The following DOK5 variants were observed in gnomAD, a reference collection of about 807,000 sequenced individuals.
The protein encoded by DOK5 is downstream of tyrosine kinase 5.
DOK5 carries 27 observed loss-of-function variants against 43.3 expected under a neutral mutation model. The observed-to-expected ratio is 0.62, with a 90% CI of 0.46 to 0.86. The LOEUF (loss-of-function observed/expected upper bound fraction) is 0.86, where lower values mean the gene tolerates loss of function less well. Ranked by LOEUF, DOK5 falls within the 40% of genes least tolerant of loss-of-function variation. DOK5 has a pLI of 0.00. For missense variants in DOK5, 373 were observed against 392.9 expected (o/e 0.95, Z 0.43); for synonymous variants, 146 against 140.1 (o/e 1.04, Z -0.30).
chr20:54,582,010 G>A (rs1985660005), intron 2 of DOK5, among the ~76,000 whole-genome samples: 1 of 151,768 alleles, frequency 6.6e-6, no homozygotes, highest in Non-Finnish European at 1.5e-5. Context: ...TTTCACCATT[G>A]AGTATATGGT....
At chr20:54,600,636 T>C (rs985005768) in intron 5 of DOK5, among the ~76,000 whole-genome samples, 1 of 152,144 alleles carries the variant, frequency 6.6e-6, no homozygotes. Flanking sequence ...ACATGGAGCA[T>C]TGCCTACCTA....
At chr20:54,562,553 G>C (rs1409150119) in intron 2 of DOK5, among the ~76,000 whole-genome samples, 1 of 152,058 alleles carries the variant, frequency 6.6e-6, no homozygotes, top group Non-Finnish European at 1.5e-5. Flanking sequence ...TGAGTTGCTG[G>C]AACTACAGGC....
chr20:54,564,063 T>C (rs1985007914), intron 2 of DOK5, among the ~76,000 whole-genome samples: 15 of 152,188 alleles, frequency 9.9e-5, no homozygotes, highest in Admixed American at 9.8e-4. Flanking sequence ...CTATTTTCTT[T>C]CAGTTATTTA....
intron 6 of DOK5, among the ~76,000 whole-genome samples, chr20:54,627,433 A>C (rs1018418450): frequency 1.5e-4 from 23 of 152,190 alleles, no homozygotes; most frequent in African/African-American, 4.8e-4. Flanking sequence ...TAGTAGATCC[A>C]TTTCATAATG....
chr20:54,566,016 C>CAAA (rs11450454), intron 2 of DOK5, among the ~76,000 whole-genome samples: 11,781 of 100,138 alleles, frequency 0.12, 700 homozygotes, highest in African/African-American at 0.18. Context: ...GATTCCGTCT[C>CAAA]AAAAAAAAAA....
intron 1 of DOK5, among the ~76,000 whole-genome samples, chr20:54,534,899 C>T (rs1487940032): frequency 2.7e-5 from 4 of 150,632 alleles, no homozygotes; most frequent in East Asian, 1.9e-4. Flanking sequence ...TGCAGTGGCA[C>T]GATCTCGGCT....
At chr20:54,521,486 T>C (rs1280978242) in intron 1 of DOK5, among the ~76,000 whole-genome samples, 1 of 152,128 alleles carries the variant, frequency 6.6e-6, no homozygotes. Context: ...ACTTTACTTA[T>C]ATTTACTGGA....
At chr20:54,576,333 C>T (rs1985451209) in intron 2 of DOK5, among the ~76,000 whole-genome samples, 1 of 152,088 alleles carries the variant, frequency 6.6e-6, no homozygotes, top group African/African-American at 2.4e-5. Flanking sequence ...GACTACTGCT[C>T]AGAAGCCAAA....
chr20:54,539,788 A>G (rs1984086080), intron 1 of DOK5, among the ~76,000 whole-genome samples: 1 of 152,200 alleles, frequency 6.6e-6, no homozygotes. Flanking sequence ...AAACTGCCCA[A>G]TCAACAGTTA....
At chr20:54,608,184 T>A (rs2146790455) in intron 5 of DOK5, among the ~76,000 whole-genome samples, 1 of 152,298 alleles carries the variant, frequency 6.6e-6, no homozygotes, top group South Asian at 2.1e-4. Flanking sequence ...GTTTTGGTAT[T>A]AATCTGTCAC....
intron 5 of DOK5, among the ~76,000 whole-genome samples, chr20:54,593,180 C>T (rs1416690487): frequency 2.6e-5 from 4 of 151,862 alleles, no homozygotes; most frequent in Non-Finnish European, 5.9e-5. Flanking sequence ...ATGGCGTGAA[C>T]CTGGGAGATG....
At chr20:54,530,339 C>A (rs1490076545) in intron 1 of DOK5, among the ~76,000 whole-genome samples, 2 of 152,158 alleles carry the variant, frequency 1.3e-5, no homozygotes, top group Non-Finnish European at 2.9e-5. Flanking sequence ...CAGACAGAAG[C>A]AACCTGCAAA....
intron 2 of DOK5, among the ~76,000 whole-genome samples, chr20:54,572,316 A>G (rs1474496740): frequency 1.3e-5 from 2 of 151,918 alleles, no homozygotes; most frequent in African/African-American, 4.8e-5. Flanking sequence ...ACTCGCCACC[A>G]CGCCCGGCTA....
intron 1 of DOK5, among the ~76,000 whole-genome samples, chr20:54,486,098 AT>A (rs971044103): frequency 5.1e-4 from 78 of 152,006 alleles, no homozygotes; most frequent in Non-Finnish European, 1.9e-4. Context: ...AGATGTTTCA[AT>A]TTTTTTTGTA....
At chr20:54,501,891 C>T (rs974885802) in intron 1 of DOK5, among the ~76,000 whole-genome samples, 3 of 152,144 alleles carry the variant, frequency 2.0e-5, no homozygotes, top group Admixed American at 1.3e-4. Flanking sequence ...TGGTTTCTGA[C>T]TTTTGAGCAA....
At chr20:54,604,136 CG>C in intron 5 of DOK5, among the ~76,000 whole-genome samples, 2 of 151,722 alleles carry the variant, frequency 1.3e-5, no homozygotes, top group East Asian at 3.9e-4. Context: ...TGAGTAGAGA[CG>C]GGGTTTCACC....
chr20:54,621,297 T>G (rs1319127535), intron 6 of DOK5, among the ~76,000 whole-genome samples: 2 of 151,896 alleles, frequency 1.3e-5, no homozygotes, highest in Non-Finnish European at 2.9e-5. Context: ...ATATAATATA[T>G]TTTTGGAAAA....
chr20:54,636,411 A>G (rs1046462118), intron 6 of DOK5, among the ~76,000 whole-genome samples: 7 of 152,194 alleles, frequency 4.6e-5, no homozygotes, highest in Non-Finnish European at 7.3e-5. Context: ...TTCCCCAATT[A>G]TTCCTGCAAA....
chr20:54,527,060 A>C (rs1226386074), intron 1 of DOK5, among the ~76,000 whole-genome samples: 2 of 152,194 alleles, frequency 1.3e-5, no homozygotes, highest in African/African-American at 4.8e-5. Flanking sequence ...GTAGTTTTAG[A>C]GGAAAGAACA....
Sources: allele counts gnomAD v4.1 joint callset (sites outside exome capture counted in the v4.1 genomes callset), GRCh38; gene constraint gnomAD v4.1.1; transcripts MANE v1.5; gene names NCBI Gene and HGNC (gene_info 2026-07-23, HGNC 2026-07-21).